The following SLC1A7 variants were observed in gnomAD, a reference collection of about 807,000 sequenced individuals.
SLC1A7 encodes excitatory amino acid transporter 5.
In SLC1A7, 40 loss-of-function variants were observed where a neutral mutation model predicts 47.7. That is an observed-to-expected ratio of 0.84 (90% confidence interval 0.65 to 1.09). SLC1A7 has a LOEUF of 1.09. Ranked by LOEUF, SLC1A7 falls within the 50% of genes least tolerant of loss-of-function variation. The pLI is 0.00. For synonymous variants in SLC1A7, 323 were observed against 325.6 expected, an observed-to-expected ratio of 0.99 and a Z score of 0.09; for missense variants, 746 against 769.5, an observed-to-expected ratio of 0.97 and a Z score of 0.36.
At chr1:53,095,449 C>A (rs1453401444) in intron 5 of SLC1A7, among the ~76,000 whole-genome samples, 2 of 151,442 alleles carry the variant, frequency 1.3e-5, no homozygotes, top group Non-Finnish European at 2.9e-5. Flanking sequence ...CTCACACACC[C>A]CGCCTTGGTA....
chr1:53,101,208 C>G lies in SLC1A7; in HGVS notation c.697+2138G>C, dbSNP rs1363577141. ...CACACAAATCGTCTTGGTACTCTCA[C>G]ACTGCCTTGGTACACTCACATACCC... On this transcript the variant is annotated intron_variant, in intron 5 of 10. Coordinates refer to ENST00000371494, the MANE Select transcript of SLC1A7 (RefSeq NM_006671.6). Among the ~76,000 whole-genome samples the G allele has an allele frequency of 4.0e-5, 6 of 148,384 alleles. No homozygotes were observed. The East Asian group carries it at 1.2e-3, about 30-fold the overall frequency.
chr1:53,106,562 T>G (rs1644644281), intron 3 of SLC1A7, among the ~76,000 whole-genome samples: 1 of 148,614 alleles, frequency 6.7e-6, no homozygotes, highest in African/African-American at 2.5e-5. Context: ...ATCGCGCCAC[T>G]GCACCCCAGC....
At chr1:53,134,167 A>G (rs1241987709) in intron 2 of SLC1A7, among the ~76,000 whole-genome samples, 183 bp downstream of exon 2, 1 of 152,148 alleles carries the variant, frequency 6.6e-6, no homozygotes, top group Non-Finnish European at 1.5e-5. Flanking sequence ...GGAACCAACA[A>G]CTGGGGCCAC....
chr1:53,098,983 C>T (rs980510113), intron 5 of SLC1A7, among the ~76,000 whole-genome samples: 11 of 150,392 alleles, frequency 7.3e-5, no homozygotes, highest in East Asian at 2.0e-4. Context: ...CATCCTGCCT[C>T]GCACTCACAC....
intron 5 of SLC1A7, among the ~76,000 whole-genome samples, chr1:53,097,389 C>G (rs1202784780): frequency 7.1e-6 from 1 of 141,810 alleles, no homozygotes; most frequent in Non-Finnish European, 1.6e-5. Flanking sequence ...CACACACTGC[C>G]TCGGAACACT....
Position 53,089,884 on chromosome 1 carries a change from C to T in SLC1A7, c.1277G>A (p.Gly426Asp). ...SIGAAGIPQA[G>D]LVTMVIVLTS... ...GAGCACGATGACCATGGTGACGAGG[C>T]CGGCCTGGGGGATGCCAGCTGCCCC... The change falls in exon 9 of 11, where the codon GGC becomes GAC. Residue 426 changes from glycine to aspartate, a missense_variant. Transcript: ENST00000371494. 1 of 1,613,850 alleles carries T rather than the reference C, an allele frequency of 6.2e-7. No individual in the cohort carries two copies. The highest frequency in any genetic ancestry group is 8.5e-7 in the Non-Finnish European group (1 of 1,179,974).
At chr1:53,139,493 G>C (rs904489181) in intron 1 of SLC1A7, among the ~76,000 whole-genome samples, 5 of 152,204 alleles carry the variant, frequency 3.3e-5, no homozygotes, top group African/African-American at 1.2e-4. Context: ...GCAGGCAGTG[G>C]GTGGAGATGG....
intron 2 of SLC1A7, among the ~76,000 whole-genome samples, chr1:53,130,916 G>T (rs1436537634): frequency 6.6e-6 from 1 of 152,112 alleles, no homozygotes; most frequent in Non-Finnish European, 1.5e-5. Context: ...TGGATAATAG[G>T]CCAGTTTGAG....
At chr1:53,124,577 A>T (rs1557686088) in intron 2 of SLC1A7, among the ~76,000 whole-genome samples, 1 of 151,780 alleles carries the variant, frequency 6.6e-6, no homozygotes, top group Non-Finnish European at 1.5e-5. Context: ...GGCTCAGTTG[A>T]CCTCCCAAGG....
At chr1:53,139,825 C>T (rs537033049) in intron 1 of SLC1A7, among the ~76,000 whole-genome samples, 2 of 152,130 alleles carry the variant, frequency 1.3e-5, no homozygotes, top group African/African-American at 4.8e-5. Context: ...TTAAAAATCC[C>T]ATTACTAAAA....
intron 1 of SLC1A7, among the ~76,000 whole-genome samples, chr1:53,138,555 G>A (rs1424840594): frequency 7.9e-6 from 1 of 127,186 alleles, no homozygotes; most frequent in Non-Finnish European, 1.6e-5. Flanking sequence ...TTTTGGAGAT[G>A]GGGTCTCACA....
intron 5 of SLC1A7, among the ~76,000 whole-genome samples, chr1:53,099,166 A>ACT (rs1278277474): frequency 7.6e-6 from 1 of 131,010 alleles, no homozygotes; most frequent in Non-Finnish European, 1.6e-5. Flanking sequence ...GTACACTCAC[A>ACT]GAGTCTTGGT....
chr1:53,108,466 G>A, intron 3 of SLC1A7: 1 of 670,100 alleles, frequency 1.5e-6, no homozygotes, highest in Non-Finnish European at 2.7e-6. Flanking sequence ...GTCCTATTAT[G>A]TTGTGGGGAC....
chr1:53,107,025 G>A (rs1644650282), intron 3 of SLC1A7, among the ~76,000 whole-genome samples: 1 of 151,856 alleles, frequency 6.6e-6, no homozygotes, highest in African/African-American at 2.4e-5. Flanking sequence ...GTGTGGTGGT[G>A]CTCGCCTGTA....
chr1:53,126,854 T>C (rs2150341107), intron 2 of SLC1A7, among the ~76,000 whole-genome samples: 1 of 95,244 alleles, frequency 1.0e-5, no homozygotes, highest in Non-Finnish European at 2.0e-5. Flanking sequence ...ATGTTTGTAA[T>C]TTGCTTATCT....
At chr1:53,114,483 A>ACCG in intron 3 of SLC1A7, 2 of 476,338 alleles carry the variant, frequency 4.2e-6, no homozygotes, top group East Asian at 6.7e-5. Flanking sequence ...CTCCCACCCT[A>ACCG]CAGGCTGGGC....
chr1:53,120,399 C>T (rs1407653208), intron 2 of SLC1A7, among the ~76,000 whole-genome samples: 4 of 152,186 alleles, frequency 2.6e-5, no homozygotes, highest in Non-Finnish European at 2.9e-5. Flanking sequence ...GCAGGCTGCC[C>T]AGCTGCCGGA....
At chr1:53,125,163 A>G (rs527242101) in intron 2 of SLC1A7, among the ~76,000 whole-genome samples, 1 of 152,224 alleles carries the variant, frequency 6.6e-6, no homozygotes, top group African/African-American at 2.4e-5. Flanking sequence ...AAACCATGGG[A>G]GGGGGGCCCC....
intron 2 of SLC1A7, among the ~76,000 whole-genome samples, chr1:53,119,742 T>G (rs1644799436): frequency 6.6e-6 from 1 of 152,050 alleles, no homozygotes; most frequent in Non-Finnish European, 1.5e-5. Context: ...AGCCTCAGAT[T>G]TGTGGTGGTG....
Sources: allele counts gnomAD v4.1 joint callset (sites outside exome capture counted in the v4.1 genomes callset), GRCh38; gene constraint gnomAD v4.1.1; transcripts MANE v1.5; gene names NCBI Gene and HGNC (gene_info 2026-07-23, HGNC 2026-07-21).